GSE1: variants seen among roughly 807,000 people sequenced by gnomAD.
GSE1 encodes genetic suppressor element 1.
GSE1 carries 32 observed loss-of-function variants against 112.6 expected under a neutral mutation model. That is an observed-to-expected ratio of 0.28 (90% CI 0.21 to 0.38). GSE1 has a LOEUF of 0.38. Among genes scored for constraint, GSE1 ranks in the 10% least tolerant of loss-of-function variants. GSE1 has a pLI of 1.00. For missense variants in GSE1, 2,348 were observed against 1,699.2 expected (o/e 1.38, Z -6.71); for synonymous variants, 1,115 against 735.6 (o/e 1.52, Z -8.35).
chr16:85,389,099 G>A (rs1016841127), intron 2 of GSE1, among the ~76,000 whole-genome samples: 1 of 152,208 alleles, frequency 6.6e-6, no homozygotes, highest in South Asian at 2.1e-4. Context: ...CCTGGGGAGA[G>A]GAGGGACTGG....
At chr16:85,431,325 C>T (rs935993663) in intron 2 of GSE1, among the ~76,000 whole-genome samples, 1 of 152,244 alleles carries the variant, frequency 6.6e-6, no homozygotes, top group African/African-American at 2.4e-5. Context: ...GCCCGCGGTG[C>T]CGCATGATGG....
intron 2 of GSE1, among the ~76,000 whole-genome samples, chr16:85,458,847 C>T (rs1451913182): frequency 3.3e-5 from 5 of 152,150 alleles, no homozygotes; most frequent in African/African-American, 9.7e-5. Context: ...CCTGGGGCCT[C>T]CTCTTTCTAC....
intron 2 of GSE1, among the ~76,000 whole-genome samples, chr16:85,541,608 C>T (rs1281390102): frequency 6.6e-6 from 1 of 152,260 alleles, no homozygotes; most frequent in Non-Finnish European, 1.5e-5. Context: ...ACAGAGGGTT[C>T]GCTTCTGTGC....
At position 85,661,359 on chromosome 16, in the gene GSE1, A is replaced by G; in HGVS notation, c.1854A>G (p.Ala618=). 1 of 1,612,256 alleles carries G rather than the reference A, an allele frequency of 6.2e-7. No homozygotes were observed. Among genetic ancestry groups the G allele is most frequent in the Non-Finnish European group, 8.5e-7 (1 of 1,179,662 alleles). ...CTGCATTTGAGCCCAGCCGCCAGGC[A>G]GCCGTGCCGCTGGTGAAGGTGGAGC... ...HPAAFEPSRQ[A]AVPLVKVERV... is the part of the protein sequence containing the mutation. The change falls in exon 9 of 16, where the codon GCA becomes GCG. Residue 618 remains alanine, a synonymous_variant. Coordinates refer to ENST00000253458, the MANE Select transcript of GSE1 (RefSeq NM_014615.5).
intron 1 of GSE1, among the ~76,000 whole-genome samples, chr16:85,630,387 C>G (rs960380028): frequency 6.6e-6 from 1 of 152,174 alleles, no homozygotes. Flanking sequence ...TTCTGTTACC[C>G]AGGCTAGAGT....
chr16:85,302,794 C>G (rs1248757182), intron 1 of GSE1, among the ~76,000 whole-genome samples: 1 of 152,190 alleles, frequency 6.6e-6, no homozygotes, highest in Non-Finnish European at 1.5e-5. Flanking sequence ...TTGGCCTTGT[C>G]GAGGTGCGGT....
intron 1 of GSE1, among the ~76,000 whole-genome samples, chr16:85,633,013 T>TGCTGCC (rs143081892): frequency 6.8e-6 from 1 of 146,102 alleles, no homozygotes; most frequent in Non-Finnish European, 1.5e-5. Context: ...AGACCTCTGG[T>TGCTGCC]GCCGCCGCCG....
rs1051869886 is a variant in GSE1 at position 85,290,709 on chromosome 16, C to T, written c.2284-66754C>T. ...CTCTTCATAGAGCCTTTGTTGTCACCGAGACACACAAAGATAGGAGATGGC... is the reference window on the plus strand; with the variant it reads ...CTCTTCATAGAGCCTTTGTTGTCACTGAGACACACAAAGATAGGAGATGGC... On this transcript the variant is annotated intron_variant, in intron 1 of 2. Transcript: ENST00000637419. Among the ~76,000 whole-genome samples, 9 of 152,068 alleles carry T rather than the reference C, an allele frequency of 5.9e-5. No individual in the cohort carries two copies. In the East Asian group the frequency reaches 7.7e-4, roughly 13 times the overall value.
intron 12 of GSE1, 41 bp from the exon 13 acceptor site, chr16:85,665,935 C>G (rs568883535): frequency 1.9e-6 from 3 of 1,603,328 alleles, no homozygotes; most frequent in South Asian, 1.1e-5. Flanking sequence ...AGCCTGTTAA[C>G]TTGCATTTCT....
chr16:85,525,342 G>A (rs376654073), intron 2 of GSE1, among the ~76,000 whole-genome samples: 15 of 140,746 alleles, frequency 1.1e-4, no homozygotes, highest in African/African-American at 2.9e-4. Flanking sequence ...GGCCCAGTGC[G>A]GCTGGCTCAG....
chr16:85,414,844 A>C (rs1012299138), intron 2 of GSE1, among the ~76,000 whole-genome samples: 3 of 152,066 alleles, frequency 2.0e-5, no homozygotes, highest in Admixed American at 6.6e-5. Context: ...CCATGTTGGC[A>C]AGGCTGGTCT....
intron 1 of GSE1, among the ~76,000 whole-genome samples, chr16:85,576,699 T>G (rs924814777): frequency 1.3e-5 from 2 of 152,214 alleles, no homozygotes; most frequent in Non-Finnish European, 2.9e-5. Flanking sequence ...AGAAACGCTT[T>G]TCTTTCCCAA....
At chr16:85,202,533 G>A (rs2075047190) in intron 1 of GSE1, among the ~76,000 whole-genome samples, 1 of 152,234 alleles carries the variant, frequency 6.6e-6, no homozygotes, top group African/African-American at 2.4e-5. Flanking sequence ...CGGCTCTGGA[G>A]AACATGAGGC....
chr16:85,601,698 C>A (rs747228744), intron 1 of GSE1, among the ~76,000 whole-genome samples: 6 of 152,162 alleles, frequency 3.9e-5, no homozygotes, highest in Non-Finnish European at 7.3e-5. Flanking sequence ...TTTTGTGAGA[C>A]CAAATTTTAA....
intron 1 of GSE1, among the ~76,000 whole-genome samples, chr16:85,272,780 T>C (rs1908978926): frequency 2.7e-5 from 4 of 147,040 alleles, no homozygotes; most frequent in African/African-American, 9.9e-5. Flanking sequence ...CTCTTTTCTT[T>C]TTTTTTTTTT....
In GSE1 at chr16:85,404,272, A is replaced by G. The variant is rs377392955; in HGVS notation, c.2464+46629A>G. ...TCACTGTTACACTCAGGGCTCCCCCAGATAATTCTCACTGTTACACTCAGG... is the reference window on the plus strand; with the variant it reads ...TCACTGTTACACTCAGGGCTCCCCCGGATAATTCTCACTGTTACACTCAGG... On this transcript the variant is annotated intron_variant, in intron 2 of 2. Transcript: ENST00000637419. Among the ~76,000 whole-genome samples, 70 of 52,872 alleles carry G rather than the reference A, an allele frequency of 1.3e-3. 3 individuals are homozygous for G. The highest frequency in any genetic ancestry group is 2.3e-3 in the African/African-American group (25 of 10,662). The allele number at this position is 52,872 out of a possible 152,430, so 34.7% of individuals were successfully genotyped here.
At chr16:85,238,973 A>G (rs1216295881) in intron 1 of GSE1, among the ~76,000 whole-genome samples, 1 of 151,844 alleles carries the variant, frequency 6.6e-6, no homozygotes, top group African/African-American at 2.4e-5. Flanking sequence ...TCTTGCTCAC[A>G]CTGGAGTGCA....
At chr16:85,310,981 C>T (rs575251107) in intron 1 of GSE1, among the ~76,000 whole-genome samples, 35 of 152,360 alleles carry the variant, frequency 2.3e-4, no homozygotes, top group African/African-American at 6.0e-4. Flanking sequence ...CTTCAGCAAC[C>T]GGCAGGCAGG....
At chr16:85,536,491 C>T (rs947094304) in intron 2 of GSE1, among the ~76,000 whole-genome samples, 5 of 152,188 alleles carry the variant, frequency 3.3e-5, no homozygotes, top group Non-Finnish European at 7.3e-5. Flanking sequence ...CTGTGTGGGC[C>T]GCGGGCAGGG....
Sources: gnomAD v4.1 joint callset for allele counts (sites outside exome capture counted in the v4.1 genomes callset) on GRCh38, gnomAD v4.1.1 for gene constraint, MANE v1.5 for transcripts, NCBI Gene and HGNC (gene_info 2026-07-23, HGNC 2026-07-21) for gene names.